The following ABCB11 variants were observed in gnomAD, a reference collection of about 807,000 sequenced individuals.
The protein encoded by ABCB11 is ATP binding cassette subfamily B member 11, also known as bile salt export pump.
ABCB11 carries 95 observed loss-of-function variants against 148.0 expected under a neutral mutation model. That is an observed-to-expected ratio of 0.64 (90% CI 0.54 to 0.76). The LOEUF is 0.76. Among genes scored for constraint, ABCB11 ranks in the 30% least tolerant of loss-of-function variants. The probability of loss-of-function intolerance (pLI) is 0.00; values close to 1 mark genes in which losing one functional copy is unlikely to be tolerated. For synonymous variants in ABCB11, 591 were observed against 555.4 expected, an observed-to-expected ratio of 1.06 and a Z score of -0.90; for missense variants, 1,523 against 1,617.8, an observed-to-expected ratio of 0.94 and a Z score of 1.01.
chr2:169,017,846 G>C (rs1695411368), intron 2 of ABCB11: 1 of 740,612 alleles, frequency 1.4e-6, no homozygotes, highest in Admixed American at 1.8e-5. Context: ...ACACACACTT[G>C]GTGTGTTCTT....
In ABCB11 at chr2:169,013,378, C is replaced by T. The variant is rs201735739; in HGVS notation, c.283G>A (p.Val95Ile). ...TMTDVFIDYD[V>I]ELQELQIPGK... is the part of the protein sequence containing the mutation. Reference sequence around the variant, plus strand: ...GGAATCTGGAGTTCTTGTAACTCAACGTCGTAGTCAATAAAAACATCTGTC... The same window carrying T: ...GGAATCTGGAGTTCTTGTAACTCAATGTCGTAGTCAATAAAAACATCTGTC... Residue 95 changes from valine to isoleucine, a missense_variant, in exon 5 of 28, where the codon GTT (valine) becomes ATT (isoleucine). Val to Ile is a conservative substitution (Grantham distance 29, BLOSUM62 3). Coordinates refer to ENST00000650372, the MANE Select transcript of ABCB11 (RefSeq NM_003742.4). 2.5e-5 allele frequency: 40 copies of T among 1,613,678 alleles called. 1 individual carries two copies. The Admixed American group carries it at 3.2e-4, about 13-fold the overall frequency.
intron 10 of ABCB11, among the ~76,000 whole-genome samples, chr2:168,984,707 T>C (rs1034207304): frequency 1.3e-5 from 2 of 152,176 alleles, no homozygotes; most frequent in Admixed American, 1.3e-4. Flanking sequence ...AAAATCATCA[T>C]TTCATAGCTA....
rs113207353 is a variant in ABCB11 at position 168,921,353 on chromosome 2, G to A, written c.*2269C>T. On this transcript the variant is annotated 3_prime_UTR_variant, in exon 28 of 28. Transcript: ENST00000650372. The stretch of plus-strand genomic sequence containing the variant: ...GCAGAATTTCGTTTGTTGGCTAAGG[G>A]AAGAAAAACCATCTACGTAGAGTGA... Among the ~76,000 whole-genome samples the A allele has an allele frequency of 1.5e-4, 23 of 152,282 alleles. No individual in the cohort carries two copies. The highest frequency in any genetic ancestry group is 5.3e-4 in the African/African-American group (22 of 41,550).
intron 18 of ABCB11, among the ~76,000 whole-genome samples, chr2:168,963,357 A>G (rs1317101950): frequency 6.6e-6 from 1 of 151,790 alleles, no homozygotes; most frequent in East Asian, 1.9e-4. Flanking sequence ...GAAAGGGGAT[A>G]AGTCAACATG....
chr2:168,999,364 C>A (rs549710935), intron 5 of ABCB11, among the ~76,000 whole-genome samples: 15 of 150,934 alleles, frequency 9.9e-5, no homozygotes, highest in Non-Finnish European at 2.1e-4. Flanking sequence ...TTGCAAATAT[C>A]TTGCAAAACT....
chr2:168,968,742 T>C (rs1391697830), intron 16 of ABCB11, among the ~76,000 whole-genome samples: 1 of 151,676 alleles, frequency 6.6e-6, no homozygotes, highest in African/African-American at 2.4e-5. Context: ...CAGGTATTTT[T>C]TTTTAGCATA....
chr2:168,975,100 TA>T (rs1693764036), intron 12 of ABCB11, among the ~76,000 whole-genome samples: 1 of 87,534 alleles, frequency 1.1e-5, no homozygotes, highest in African/African-American at 4.1e-5. Flanking sequence ...TTTAAATATT[TA>T]TAGATAAATG....
intron 11 of ABCB11, among the ~76,000 whole-genome samples, chr2:168,977,492 A>G (rs1275449931): frequency 6.6e-6 from 1 of 152,146 alleles, no homozygotes; most frequent in Non-Finnish European, 1.5e-5. Context: ...TCTAGAATTT[A>G]ACCACTCTGG....
chr2:168,926,788 G>A (rs1161068602), intron 26 of ABCB11, among the ~76,000 whole-genome samples: 1 of 152,080 alleles, frequency 6.6e-6, no homozygotes, highest in African/African-American at 2.4e-5. Context: ...TTCAGATTCT[G>A]GATTTTTTCA....
intron 21 of ABCB11, among the ~76,000 whole-genome samples, chr2:168,937,775 T>G (rs1013136745): frequency 1.2e-4 from 19 of 152,240 alleles, no homozygotes; most frequent in African/African-American, 4.6e-4. Flanking sequence ...GCCTGCTCGT[T>G]GGTACAAAGT....
At chr2:169,005,410 T>G (rs545307700) in intron 5 of ABCB11, among the ~76,000 whole-genome samples, 1 of 152,020 alleles carries the variant, frequency 6.6e-6, no homozygotes, top group African/African-American at 2.4e-5. Flanking sequence ...CTCAGTCCAA[T>G]GGAGTTATGT....
chr2:168,995,824 T>C (rs371823822), intron 6 of ABCB11, among the ~76,000 whole-genome samples: 104 of 152,042 alleles, frequency 6.8e-4, no homozygotes, highest in African/African-American at 2.4e-3. Context: ...CTTAAATAAC[T>C]ATTTTTAATG....
At position 168,930,694 on chromosome 2, in the gene ABCB11, G is replaced by A. The variant is rs764581483; in HGVS notation, c.3382C>T (p.Arg1128Cys). Residue 1128 changes from arginine to cysteine, a missense_variant, in exon 25 of 28, where the codon CGT becomes TGT. Arg to Cys is a radical substitution (Grantham distance 180). Transcript: ENST00000650372. The stretch of plus-strand genomic sequence containing the variant: ...TTCCCTTGATCAGGATCATAGAAAC[G>A]TTCCAACAGCTGAATGCTAGTGCTT... Reference protein sequence around the residue: ...GKSTSIQLLERFYDPDQGKVM... With the variant: ...GKSTSIQLLECFYDPDQGKVM... The A allele has an allele frequency of 4.4e-6, 7 of 1,576,442 alleles. No individual in the cohort carries two copies. The highest frequency in any genetic ancestry group is 1.2e-5 in the South Asian group (1 of 85,916).
At chr2:169,014,235 A>AGT in intron 4 of ABCB11, 68 bp downstream of exon 4, 5 of 1,088,870 alleles carry the variant, frequency 4.6e-6, no homozygotes, top group Non-Finnish European at 7.1e-6. Flanking sequence ...AAGATTTAAC[A>AGT]CTCCCCTCAT....
At chr2:168,993,992 A>C (rs1573953642) in intron 7 of ABCB11, 110 bp from the exon 8 acceptor site, 1 of 912,006 alleles carries the variant, frequency 1.1e-6, no homozygotes. Flanking sequence ...TATCCCTATC[A>C]CCCTTGGATA....
intron 9 of ABCB11, 71 bp from the exon 10 acceptor site, chr2:168,986,355 G>C: frequency 7.7e-7 from 1 of 1,297,314 alleles, no homozygotes; most frequent in Non-Finnish European, 1.1e-6. Context: ...AACAGGCCGT[G>C]ATGCAGTGGT....
chr2:168,930,250 C>T (rs1431656755), intron 25 of ABCB11, among the ~76,000 whole-genome samples: 2 of 152,188 alleles, frequency 1.3e-5, no homozygotes, highest in East Asian at 1.9e-4. Flanking sequence ...CAAGGATTGT[C>T]TTAGATCTTT....
chr2:168,968,590 G>A, intron 16 of ABCB11, 100 bp from the exon 17 acceptor site: 1 of 941,476 alleles, frequency 1.1e-6, no homozygotes, highest in South Asian at 2.0e-5. Flanking sequence ...TAATTACTAT[G>A]TCAAATGCCA....
At position 168,986,091 on chromosome 2, in the gene ABCB11, G is replaced by A. The variant is rs1176296398; in HGVS notation, c.1083+19C>T. ...TACCAGAAGGAAATGCTATGTCTCGGTCAATAAGTCCAAGGTACCTGGACA... is the reference window on the plus strand; with the variant it reads ...TACCAGAAGGAAATGCTATGTCTCGATCAATAAGTCCAAGGTACCTGGACA... On this transcript the variant is annotated intron_variant, in intron 10 of 27. Coordinates refer to ENST00000650372, the MANE Select transcript of ABCB11 (RefSeq NM_003742.4). 1.2e-5 allele frequency: 19 copies of A among 1,536,134 alleles called. No homozygotes were observed. The highest frequency in any genetic ancestry group is 1.7e-5 in the Non-Finnish European group (19 of 1,137,906).
Sources: gnomAD v4.1 joint callset for allele counts (sites outside exome capture counted in the v4.1 genomes callset) on GRCh38, gnomAD v4.1.1 for gene constraint, MANE v1.5 for transcripts, NCBI Gene and HGNC (gene_info 2026-07-23, HGNC 2026-07-21) for gene names.